FREM3: variants seen among roughly 807,000 people sequenced by gnomAD.
The protein encoded by FREM3 is FRAS1-related extracellular matrix protein 3.
In FREM3, 105 loss-of-function variants were observed where a neutral mutation model predicts 129.1. The observed-to-expected ratio is 0.81, with a 90% CI of 0.69 to 0.96. FREM3 has a LOEUF of 0.96. FREM3 is among the 40% of genes least tolerant of loss of function. The pLI is 0.00. For missense variants in FREM3, 2,593 were observed against 2,666.3 expected (o/e 0.97, Z 0.61); for synonymous variants, 1,014 against 1,044.9 (o/e 0.97, Z 0.57).
rs146033710 is a variant in FREM3, at chr4:143,583,439, A to G, written c.6178+2405T>C. On this transcript the variant is annotated intron_variant, in intron 7 of 7. Transcript: ENST00000329798. Reference sequence around the variant, plus strand: ...AACTTCACTAGAGAGGCCAAAATTCAAATTCAGGAAATGCAGAGAACCCTT... The same window carrying G: ...AACTTCACTAGAGAGGCCAAAATTCGAATTCAGGAAATGCAGAGAACCCTT... Among the ~76,000 whole-genome samples the G allele has an allele frequency of 2.5e-3, 375 of 152,274 alleles. 2 individuals are homozygous for G. The highest frequency in any genetic ancestry group is 8.3e-3 in the African/African-American group (344 of 41,536).
intron 2 of FREM3, among the ~76,000 whole-genome samples, chr4:143,640,046 C>T (rs1262737941): frequency 6.6e-6 from 1 of 152,194 alleles, no homozygotes; most frequent in East Asian, 1.9e-4. Context: ...TTTCACATCT[C>T]TGAAAACTCT....
intron 2 of FREM3, among the ~76,000 whole-genome samples, chr4:143,686,072 C>T (rs984676209): frequency 2.0e-5 from 3 of 152,054 alleles, no homozygotes; most frequent in African/African-American, 4.8e-5. Context: ...CTGCTGCATT[C>T]GGGAGACTCA....
chr4:143,683,204 C>T (rs1185753682), intron 2 of FREM3, among the ~76,000 whole-genome samples: 2 of 152,184 alleles, frequency 1.3e-5, no homozygotes, highest in Admixed American at 6.5e-5. Flanking sequence ...ATTGCAGCTC[C>T]GGACAGAGCG....
intron 5 of FREM3, among the ~76,000 whole-genome samples, chr4:143,620,096 G>T (rs1025072943): frequency 6.6e-6 from 1 of 152,092 alleles, no homozygotes; most frequent in African/African-American, 2.4e-5. Context: ...CAATCAAATG[G>T]TCAAGACTTA....
intron 6 of FREM3, among the ~76,000 whole-genome samples, chr4:143,589,175 GC>G (rs1242870257): frequency 4.7e-4 from 71 of 152,120 alleles, no homozygotes; most frequent in African/African-American, 1.7e-3. Flanking sequence ...AAAAATTTTC[GC>G]CCATTCTGTA....
At chr4:143,595,859 G>T (rs191513817) in intron 6 of FREM3, among the ~76,000 whole-genome samples, 2 of 142,592 alleles carry the variant, frequency 1.4e-5, no homozygotes, top group Non-Finnish European at 3.0e-5. Context: ...CTGCACTCCA[G>T]TCTGGGCGAC....
At position 143,696,868 on chromosome 4, in the gene FREM3, G is replaced by T. The variant is rs1324282632; in HGVS notation, c.3808C>A (p.His1270Asn). The part of the protein sequence containing the change: ...IQEASTIVYE[H>N]DDSETKEDSF... ...TCCTCTTTTGTCTCTGAGTCATCAT[G>T]CTCATACACAATGGTGGAGGCCTCC... Residue 1270 changes from histidine to asparagine, a missense_variant, in exon 1 of 8, where the codon CAT (histidine) becomes AAT (asparagine). Around this residue, in one of 2 missense-constraint regions of FREM3, gnomAD observed 2,276 missense variants for 2,267.2 expected, o/e 1.00. Coordinates refer to ENST00000329798, the MANE Select transcript of FREM3 (RefSeq NM_001168235.2). 1 of 1,537,708 alleles carries T rather than the reference G, an allele frequency of 6.5e-7. No individual in the cohort carries two copies. Among genetic ancestry groups the T allele is most frequent in the Admixed American group, 2.0e-5 (1 of 51,004 alleles).
Position 143,697,739 on chromosome 4 carries a change from T to A in FREM3, c.2937A>T (p.Val979=). 1 of 1,537,654 alleles carries A rather than the reference T, an allele frequency of 6.5e-7. No individual in the cohort carries two copies. Among genetic ancestry groups the A allele is most frequent in the South Asian group, 1.2e-5 (1 of 84,064 alleles). ...CAATGAAAGACAGCATCAAGTCACC[T>A]ACATCCTTCCTTTTGCCATGGATGA... ...MGVIHGKRKD[V]GDLMLSFIVK... is the part of the protein sequence containing the mutation. The change falls in exon 1 of 8, where the codon GTA becomes GTT. Residue 979 remains valine, a synonymous_variant. Coordinates refer to ENST00000329798, the MANE Select transcript of FREM3 (RefSeq NM_001168235.2).
At position 143,577,674 on chromosome 4, in the gene FREM3, A is replaced by G. The variant is rs1211823982; in HGVS notation, c.6357T>C (p.Thr2119=). ...TGATGGTGTCCTCGATGAAAATGGT[A>G]GTTTTATTTGGTTCTCCAAGCACTG... ...MGAVLGEPNK[T]TIFIEDTITD... is the part of the protein sequence containing the mutation. The change falls in exon 8 of 8, where the codon ACT becomes ACC. Residue 2119 remains threonine, a synonymous_variant. Coordinates refer to ENST00000329798, the MANE Select transcript of FREM3 (RefSeq NM_001168235.2). 2 of 1,537,076 alleles carry G rather than the reference A, an allele frequency of 1.3e-6. No homozygotes were observed. The highest frequency in any genetic ancestry group is 1.4e-5 in the African/African-American group (1 of 73,016).
At position 143,577,552 on chromosome 4, in the gene FREM3, G is replaced by C; in HGVS notation, c.*59C>G. The C allele has an allele frequency of 3.4e-6, 5 of 1,450,410 alleles. No homozygotes were observed. Among genetic ancestry groups the C allele is most frequent in the Non-Finnish European group, 4.6e-6 (5 of 1,086,022 alleles). The allele number at this position is 1,450,410 out of a possible 1,614,324, so 89.8% of individuals were successfully genotyped here. A position where few individuals can be genotyped will look rare whatever the true frequency, so the allele number is the denominator to read the frequency against. ...GAATTGCTAAGATCTATAAACAGTA[G>C]AGTTTCATTCTGTTGTTAGGAGACA... On this transcript the variant is annotated 3_prime_UTR_variant, in exon 8 of 8. Coordinates refer to ENST00000329798, the MANE Select transcript of FREM3 (RefSeq NM_001168235.2).
At chr4:143,624,371 G>A (rs1739009518) in intron 3 of FREM3, 33 bp from the exon 4 acceptor site, 1 of 1,320,580 alleles carries the variant, frequency 7.6e-7, no homozygotes, top group Non-Finnish European at 1.0e-6. Flanking sequence ...TAAATATAAA[G>A]CCAAGTGACT....
In FREM3 at chr4:143,696,692, C is replaced by A. The variant is rs1389973410; in HGVS notation, c.3984G>T (p.Arg1328=). The A allele has an allele frequency of 5.9e-6, 9 of 1,537,856 alleles. No individual in the cohort carries two copies. In the East Asian group the frequency reaches 1.2e-4, roughly 21 times the overall value. Residue 1328 remains arginine, a synonymous_variant, in exon 1 of 8, where the codon CGG becomes CGT. Coordinates refer to ENST00000329798, the MANE Select transcript of FREM3 (RefSeq NM_001168235.2). ...EKGHSEIITN[R]ILKATDLDSD... is the part of the protein sequence containing the mutation. Reference sequence around the variant, plus strand: ...AGTCAAGATCTGTGGCCTTGAGGATCCGATTTGTGATGATCTCAGAGTGTC... The same window carrying A: ...AGTCAAGATCTGTGGCCTTGAGGATACGATTTGTGATGATCTCAGAGTGTC...
intron 2 of FREM3, among the ~76,000 whole-genome samples, chr4:143,692,309 C>G (rs537067287): frequency 1.9e-4 from 29 of 152,242 alleles, no homozygotes; most frequent in African/African-American, 7.0e-4. Context: ...TACCATATGG[C>G]CTCTCATATA....
At chr4:143,630,360 G>T (rs981800725) in intron 2 of FREM3, among the ~76,000 whole-genome samples, 32 of 152,070 alleles carry the variant, frequency 2.1e-4, no homozygotes, top group African/African-American at 7.7e-4. Flanking sequence ...TTAAAAAGTG[G>T]CTAGTTTCAT....
intron 2 of FREM3, among the ~76,000 whole-genome samples, chr4:143,631,926 A>G (rs577630469): frequency 6.6e-6 from 1 of 152,264 alleles, no homozygotes; most frequent in African/African-American, 2.4e-5. Context: ...TTGTCAAAAT[A>G]CTTATGTGCA....
At chr4:143,653,964 C>A (rs1739554060) in intron 2 of FREM3, among the ~76,000 whole-genome samples, 1 of 152,106 alleles carries the variant, frequency 6.6e-6, no homozygotes, top group South Asian at 2.1e-4. Context: ...AAATTAAGTT[C>A]TTTTCAGTAG....
chr4:143,622,971 A>G (rs1738977670), intron 4 of FREM3, among the ~76,000 whole-genome samples: 1 of 152,182 alleles, frequency 6.6e-6, no homozygotes, highest in South Asian at 2.1e-4. Flanking sequence ...TTCTCAACAA[A>G]ACTGGTCTGA....
At chr4:143,597,618 C>T (rs1016996285) in intron 6 of FREM3, among the ~76,000 whole-genome samples, 2 of 152,142 alleles carry the variant, frequency 1.3e-5, no homozygotes, top group African/African-American at 4.8e-5. Flanking sequence ...TTTCTTTATA[C>T]TAATAACAAA....
In FREM3 at chr4:143,668,852, A is replaced by G. The variant is rs559119585; in HGVS notation, c.5275+24261T>C. 6.7e-4 allele frequency among the ~76,000 whole-genome samples: 102 copies of G among 152,344 alleles called. 2 individuals are homozygous for G. Among genetic ancestry groups the G allele is most frequent in the Admixed American group, 5.8e-3 (89 of 15,300 alleles). Reference sequence around the variant, plus strand: ...AGAAAAACCCGAATCATTCTCATACATGGAGACAACCCAGTATATCTGTGC... The same window carrying G: ...AGAAAAACCCGAATCATTCTCATACGTGGAGACAACCCAGTATATCTGTGC... On this transcript the variant is annotated intron_variant, in intron 2 of 7. Coordinates refer to ENST00000329798, the MANE Select transcript of FREM3 (RefSeq NM_001168235.2).
Sources: gnomAD v4.1 joint callset for allele counts (sites outside exome capture counted in the v4.1 genomes callset) on GRCh38, gnomAD v4.1.1 for gene constraint, gnomAD v4.1.1 regional missense constraint, MANE v1.5 for transcripts, NCBI Gene and HGNC (gene_info 2026-07-23, HGNC 2026-07-21) for gene names.